The following RFX7 variants were observed in gnomAD, a reference collection of about 807,000 sequenced individuals.
RFX7 encodes regulatory factor X7.
RFX7 carries 26 observed loss-of-function variants against 111.8 expected under a neutral mutation model. The observed-to-expected ratio is 0.23, with a 90% CI of 0.17 to 0.32. The LOEUF is 0.32. Ranked by LOEUF, RFX7 falls within the 10% of genes least tolerant of loss-of-function variation. The pLI is 1.00. For synonymous variants in RFX7, 624 were observed against 624.4 expected, an observed-to-expected ratio of 1.00 and a Z score of 0.01; for missense variants, 1,573 against 1,772.9, an observed-to-expected ratio of 0.89 and a Z score of 2.02.
intron 3 of RFX7, among the ~76,000 whole-genome samples, chr15:56,149,790 A>T (rs1226420094): frequency 6.6e-6 from 1 of 151,366 alleles, no homozygotes; most frequent in Non-Finnish European, 1.5e-5. Context: ...ACACCGAACT[A>T]GATGCAGGAG....
chr15:56,131,321 C>T (rs1279322761), intron 5 of RFX7, among the ~76,000 whole-genome samples: 4 of 71,954 alleles, frequency 5.6e-5, no homozygotes, highest in African/African-American at 1.0e-4. Flanking sequence ...CTCTGTCACC[C>T]AGGTTGGAGT....
chr15:56,196,006 A>C (rs1248354773), intron 2 of RFX7, among the ~76,000 whole-genome samples: 2 of 152,174 alleles, frequency 1.3e-5, no homozygotes, highest in African/African-American at 4.8e-5. Flanking sequence ...AATTTCAGCC[A>C]GAAGAATGAA....
At position 56,087,574 on chromosome 15, in the gene RFX7, C is replaced by G; in HGVS notation, c.*5771G>C. 4 of 456,562 alleles carry G rather than the reference C, an allele frequency of 8.8e-6. No homozygotes were observed. The highest frequency in any genetic ancestry group is 3.3e-4 in the Middle Eastern group (1 of 3,076). 28.3% of individuals were successfully genotyped at this position (456,562 alleles called of 1,614,324 possible). A position where few individuals can be genotyped will look rare whatever the true frequency, so the allele number is the denominator to read the frequency against. Reference sequence around the variant, plus strand: ...TTTGAGTACTTGGTAAGTGTCTCCACTTAACTGCAAGGGAAGTTGGCAGAT... The same window carrying G: ...TTTGAGTACTTGGTAAGTGTCTCCAGTTAACTGCAAGGGAAGTTGGCAGAT... On this transcript the variant is annotated 3_prime_UTR_variant, in exon 10 of 10. Coordinates refer to ENST00000559447, the MANE Select transcript of RFX7 (RefSeq NM_022841.7).
At chr15:56,152,425 A>C (rs149006700) in intron 3 of RFX7, among the ~76,000 whole-genome samples, 48 of 152,344 alleles carry the variant, frequency 3.2e-4, no homozygotes, top group Non-Finnish European at 6.2e-4. Context: ...AAATACATGG[A>C]AACTGAACAA....
At chr15:56,161,352 A>G (rs190017096) in intron 3 of RFX7, among the ~76,000 whole-genome samples, 2 of 152,196 alleles carry the variant, frequency 1.3e-5, no homozygotes, top group East Asian at 3.9e-4. Flanking sequence ...AGGGGCTGCA[A>G]CATTAGCACT....
intron 3 of RFX7, among the ~76,000 whole-genome samples, chr15:56,151,656 G>A (rs1235902541): frequency 1.3e-5 from 2 of 152,076 alleles, no homozygotes; most frequent in African/African-American, 4.8e-5. Flanking sequence ...ATTAACTAAT[G>A]GGCAAAACAA....
chr15:56,206,388 T>C (rs1303465368), intron 2 of RFX7, among the ~76,000 whole-genome samples: 1 of 152,088 alleles, frequency 6.6e-6, no homozygotes, highest in Non-Finnish European at 1.5e-5. Context: ...AGAAACCACA[T>C]ACACTGTTAG....
intron 2 of RFX7, among the ~76,000 whole-genome samples, chr15:56,191,592 A>G (rs1444208782): frequency 6.6e-6 from 1 of 152,102 alleles, no homozygotes; most frequent in Non-Finnish European, 1.5e-5. Context: ...AAACATTTTT[A>G]TTTTATACAT....
In RFX7 at chr15:56,222,889, T is replaced by TTGTGGGTACAAA. The variant is rs1363906825; in HGVS notation, c.161+20235_161+20236insTTTGTACCCACA. 2.6e-5 allele frequency among the ~76,000 whole-genome samples: 4 copies of TTGTGGGTACAAA among 152,332 alleles called. No homozygotes were observed. In the East Asian group the frequency reaches 5.8e-4, roughly 22 times the overall value. ...ACAGCTGGTCATTGTGGGTACTATG[T>TTGTGGGTACAAA]TGTGGAACATTTGGAATTCTTTTAA... On this transcript the variant is annotated intron_variant, in intron 2 of 9. Transcript: ENST00000559447.
At chr15:56,217,351 C>CT (rs772006969) in intron 2 of RFX7, among the ~76,000 whole-genome samples, 5 of 152,050 alleles carry the variant, frequency 3.3e-5, no homozygotes, top group Non-Finnish European at 7.4e-5. Context: ...TCAAGAATGT[C>CT]TAACAGAGCT....
Position 56,096,650 on chromosome 15 carries a change from A to C in RFX7, c.1108-30T>G. 2 of 1,535,738 alleles carry C rather than the reference A, an allele frequency of 1.3e-6. 1 individual carries two copies. The highest frequency in any genetic ancestry group is 4.0e-5 in the Admixed American group (2 of 50,516). ...TAAAAGATAGCAAAAAATCAGATTT[A>C]ACAGGTCTAGCCTGTAAATAGTAAT... On this transcript the variant is annotated intron_variant, in intron 9 of 9. Coordinates refer to ENST00000559447, the MANE Select transcript of RFX7 (RefSeq NM_022841.7).
At chr15:56,096,731 A>G in intron 9 of RFX7, 111 bp from the exon 10 acceptor site, 1 of 1,204,488 alleles carries the variant, frequency 8.3e-7, no homozygotes, top group Non-Finnish European at 1.1e-6. Flanking sequence ...TTAAAAAGAA[A>G]AAAGTTCCTA....
chr15:56,194,803 C>A (rs1412942506), intron 2 of RFX7, among the ~76,000 whole-genome samples: 4 of 152,050 alleles, frequency 2.6e-5, no homozygotes, highest in African/African-American at 9.7e-5. Flanking sequence ...GGAATCCTTG[C>A]ACATTGCTTG....
intron 3 of RFX7, among the ~76,000 whole-genome samples, chr15:56,164,795 T>C (rs937090508): frequency 6.6e-6 from 1 of 152,236 alleles, no homozygotes; most frequent in Non-Finnish European, 1.5e-5. Context: ...TATCTCATAA[T>C]AGGCTTTGCT....
chr15:56,146,342 G>A (rs2042470818), intron 3 of RFX7, among the ~76,000 whole-genome samples: 1 of 152,136 alleles, frequency 6.6e-6, no homozygotes, highest in Non-Finnish European at 1.5e-5. Flanking sequence ...CTGGCCTCAA[G>A]TGATCCTCCT....
chr15:56,222,263 T>A (rs1367427642), intron 2 of RFX7, among the ~76,000 whole-genome samples: 1 of 152,178 alleles, frequency 6.6e-6, no homozygotes, highest in Non-Finnish European at 1.5e-5. Context: ...TCACGTATCT[T>A]CCCCATTCCT....
At chr15:56,115,843 G>A (rs151282325) in intron 5 of RFX7, among the ~76,000 whole-genome samples, 42 of 152,136 alleles carry the variant, frequency 2.8e-4, no homozygotes, top group African/African-American at 9.6e-4. Context: ...GTGGGAGGCT[G>A]TGGCAGGAGA....
chr15:56,098,165 C>G lies in RFX7; in HGVS notation c.1023G>C (p.Val341=). The stretch of plus-strand genomic sequence containing the variant: ...AAGGATTTCCATTAGGAAGATTAGT[C>G]ACTCCATTGCTTGTAGCACTTTCTG... ...KKSESATSNG[V]TNLPNGNPSI... Residue 341 remains valine, a synonymous_variant, in exon 9 of 10, where the codon GTG becomes GTC. Transcript: ENST00000559447. The G allele has an allele frequency of 6.2e-7, 1 of 1,613,876 alleles. No homozygotes were observed. The highest frequency in any genetic ancestry group is 8.5e-7 in the Non-Finnish European group (1 of 1,179,816).
chr15:56,109,899 C>G (rs1459367279), intron 5 of RFX7, among the ~76,000 whole-genome samples: 1 of 151,874 alleles, frequency 6.6e-6, no homozygotes, highest in African/African-American at 2.4e-5. Context: ...GCAGCCACCC[C>G]GTCCGGGAGG....
Sources: gnomAD v4.1 joint callset for allele counts (sites outside exome capture counted in the v4.1 genomes callset) on GRCh38, gnomAD v4.1.1 for gene constraint, MANE v1.5 for transcripts, NCBI Gene and HGNC (gene_info 2026-07-23, HGNC 2026-07-21) for gene names.